The following HS3ST4 variants were observed in gnomAD, a reference collection of about 807,000 sequenced individuals.
The protein encoded by HS3ST4 is heparan sulfate glucosamine 3-O-sulfotransferase 4.
Under a neutral mutation model 29.2 loss-of-function variants are expected in HS3ST4, and 17 were observed. The ratio of observed to expected loss-of-function variants is 0.58; its 90% CI spans 0.40 to 0.87. The LOEUF is 0.87. HS3ST4 is among the 40% of genes least tolerant of loss of function. The probability of loss-of-function intolerance (pLI) is 0.00; values close to 1 mark genes in which losing one functional copy is unlikely to be tolerated. For missense variants in HS3ST4, 627 were observed against 634.5 expected, an observed-to-expected ratio of 0.99 and a Z score of 0.13; for synonymous variants, 314 against 285.7, an observed-to-expected ratio of 1.10 and a Z score of -1.00.
chr16:26,030,197 C>T (rs145648955), intron 1 of HS3ST4, among the ~76,000 whole-genome samples: 1 of 152,326 alleles, frequency 6.6e-6, no homozygotes, highest in East Asian at 1.9e-4. Flanking sequence ...TCATCTCTAG[C>T]TCCATGATTT....
At chr16:25,929,253 A>C (rs1479309416) in intron 1 of HS3ST4, among the ~76,000 whole-genome samples, 2 of 151,830 alleles carry the variant, frequency 1.3e-5, no homozygotes, top group Non-Finnish European at 2.9e-5. Context: ...GTGATGGTGC[A>C]CCCCTGTAGT....
intron 1 of HS3ST4, among the ~76,000 whole-genome samples, chr16:26,046,017 A>C (rs575825541): frequency 6.6e-6 from 1 of 152,274 alleles, no homozygotes; most frequent in African/African-American, 2.4e-5. Flanking sequence ...GCTTTCAAAA[A>C]ATTACTCTTG....
At chr16:25,712,077 T>A (rs1295092857) in intron 1 of HS3ST4, among the ~76,000 whole-genome samples, 1 of 152,220 alleles carries the variant, frequency 6.6e-6, no homozygotes, top group Non-Finnish European at 1.5e-5. Context: ...TTAACACTTT[T>A]ACGTTTATAA....
intron 1 of HS3ST4, among the ~76,000 whole-genome samples, chr16:25,813,914 C>T (rs1223440453): frequency 1.3e-5 from 2 of 152,082 alleles, no homozygotes; most frequent in East Asian, 3.9e-4. Flanking sequence ...TTAACAACAA[C>T]AAAAAGACAA....
intron 1 of HS3ST4, among the ~76,000 whole-genome samples, chr16:25,977,157 T>C (rs1049155673): frequency 6.6e-6 from 1 of 152,118 alleles, no homozygotes; most frequent in African/African-American, 2.4e-5. Flanking sequence ...TTATTATAAT[T>C]TTTAAATATA....
intron 1 of HS3ST4, among the ~76,000 whole-genome samples, chr16:26,002,831 T>C (rs1397740661): frequency 5.3e-5 from 8 of 151,262 alleles, no homozygotes; most frequent in Admixed American, 2.6e-4. Flanking sequence ...AGAAAGAAAA[T>C]GTAGATTTTA....
intron 1 of HS3ST4, among the ~76,000 whole-genome samples, chr16:25,921,470 T>C (rs1359520412): frequency 6.6e-6 from 1 of 152,174 alleles, no homozygotes; most frequent in Non-Finnish European, 1.5e-5. Flanking sequence ...GGAACCAGAT[T>C]TAAATTGAGT....
intron 1 of HS3ST4, among the ~76,000 whole-genome samples, chr16:25,711,935 A>G (rs1172277861): frequency 6.6e-6 from 1 of 152,216 alleles, no homozygotes; most frequent in Non-Finnish European, 1.5e-5. Context: ...AGCCTCTTCT[A>G]TAAATTTTTA....
intron 1 of HS3ST4, chr16:25,826,042 A>G (rs1967211233): frequency 6.6e-6 from 1 of 152,202 alleles, no homozygotes. Context: ...AGAGCTCTAT[A>G]GTGTCTTTGC....
intron 1 of HS3ST4, among the ~76,000 whole-genome samples, chr16:25,814,411 A>G (rs976984747): frequency 3.3e-5 from 5 of 152,066 alleles, no homozygotes; most frequent in African/African-American, 7.2e-5. Context: ...CAGTGGCGCA[A>G]TATCAGCTCA....
intron 1 of HS3ST4, among the ~76,000 whole-genome samples, chr16:25,941,762 G>A (rs961543126): frequency 4.6e-5 from 7 of 151,916 alleles, no homozygotes; most frequent in African/African-American, 1.7e-4. Context: ...ATTTTTAGCA[G>A]AGATGGCATT....
chr16:25,752,555 G>GAA (rs1966729321), intron 1 of HS3ST4, among the ~76,000 whole-genome samples: 1 of 152,158 alleles, frequency 6.6e-6, no homozygotes, highest in Non-Finnish European at 1.5e-5. Context: ...GCTGGCTTGG[G>GAA]AATTGTGCTG....
chr16:26,137,197 T>C lies in HS3ST4; in HGVS notation c.*949T>C, dbSNP rs1284399187. 6.6e-6 allele frequency: 1 copy of C among 152,094 alleles called. No individual in the cohort carries two copies. Among genetic ancestry groups the C allele is most frequent in the Non-Finnish European group, 1.5e-5 (1 of 68,028 alleles). The allele number at this position is 152,094 out of a possible 1,614,324, so 9.4% of individuals were successfully genotyped here. Reference sequence around the variant, plus strand: ...AAGCACTGTAGTTCTGAGCATGTTTTTGGGGTGGACTCTGTCCCCTAGGGT... The same window carrying C: ...AAGCACTGTAGTTCTGAGCATGTTTCTGGGGTGGACTCTGTCCCCTAGGGT... On this transcript the variant is annotated 3_prime_UTR_variant, in exon 2 of 2. Transcript: ENST00000331351.
intron 1 of HS3ST4, among the ~76,000 whole-genome samples, chr16:25,872,508 C>A (rs187881540): frequency 2.0e-5 from 3 of 152,210 alleles, no homozygotes; most frequent in Non-Finnish European, 2.9e-5. Flanking sequence ...TGGTCCCATT[C>A]ATGTTTGGCA....
intron 1 of HS3ST4, among the ~76,000 whole-genome samples, chr16:25,996,331 A>C (rs192556410): frequency 6.6e-6 from 1 of 152,304 alleles, no homozygotes; most frequent in Non-Finnish European, 1.5e-5. Flanking sequence ...AAAAGTTTAG[A>C]GCTTTTGGGT....
chr16:25,692,373 G>A lies in HS3ST4; in HGVS notation c.-45G>A. ...GCTGAAACCATGTCCGGGCAGCGCC[G>A]GGGGCTGCCGCCGCCGCCGCCGCCG... is the stretch of plus-strand genomic sequence containing the variant. On this transcript the variant is annotated 5_prime_UTR_variant, in exon 1 of 2. Coordinates refer to ENST00000331351, the MANE Select transcript of HS3ST4 (RefSeq NM_006040.3). The A allele has an allele frequency of 5.1e-6, 2 of 390,762 alleles. No homozygotes were observed. The highest frequency in any genetic ancestry group is 7.0e-6 in the Non-Finnish European group (2 of 286,578). The allele number at this position is 390,762 out of a possible 1,614,324, so 24.2% of individuals were successfully genotyped here. A position where few individuals can be genotyped will look rare whatever the true frequency, so the allele number is the denominator to read the frequency against.
chr16:26,084,503 T>C (rs2141784877), intron 1 of HS3ST4, among the ~76,000 whole-genome samples: 1 of 152,358 alleles, frequency 6.6e-6, no homozygotes. Flanking sequence ...TCCTGTAAGA[T>C]TGTAGGAACT....
At chr16:25,769,980 G>T (rs1966839848) in intron 1 of HS3ST4, among the ~76,000 whole-genome samples, 1 of 152,112 alleles carries the variant, frequency 6.6e-6, no homozygotes, top group African/African-American at 2.4e-5. Flanking sequence ...CCATATTTTT[G>T]GGGGTCACTG....
At chr16:26,032,225 A>G (rs1234401180) in intron 1 of HS3ST4, among the ~76,000 whole-genome samples, 1 of 152,202 alleles carries the variant, frequency 6.6e-6, no homozygotes, top group African/African-American at 2.4e-5. Flanking sequence ...TTTCTATACC[A>G]CAAGGCTTTT....
Sources: gnomAD v4.1 joint callset for allele counts (sites outside exome capture counted in the v4.1 genomes callset) on GRCh38, gnomAD v4.1.1 for gene constraint, MANE v1.5 for transcripts, NCBI Gene and HGNC (gene_info 2026-07-23, HGNC 2026-07-21) for gene names.